Variants in AADAT observed in about 807,000 individuals in gnomAD.
AADAT encodes the protein kynurenine/alpha-aminoadipate aminotransferase, mitochondrial.
In AADAT, 25 loss-of-function variants were observed where a neutral mutation model predicts 56.2. The ratio of observed to expected loss-of-function variants is 0.44; its 90% CI spans 0.32 to 0.62. The LOEUF is 0.62. Among genes scored for constraint, AADAT ranks in the 20% least tolerant of loss-of-function variants. The probability of loss-of-function intolerance (pLI) is 0.04; values close to 1 mark genes in which losing one functional copy is unlikely to be tolerated. For missense variants in AADAT, 387 were observed against 510.5 expected, an observed-to-expected ratio of 0.76 and a Z score of 2.33; for synonymous variants, 173 against 164.7, an observed-to-expected ratio of 1.05 and a Z score of -0.39.
Position 170,061,922 on chromosome 4 carries a change from G to A in AADAT, c.1206C>T (p.Phe402=). Residue 402 remains phenylalanine, a synonymous_variant, in exon 12 of 13, where the codon TTC becomes TTT. Transcript: ENST00000337664. The part of the protein sequence containing the change: ...SAPSPYLRAS[F]SSASPEQMDV... ...CCATCTGTTCTGGAGAAGCTGAAGAGAAGGATGCTCTCAAGTAAGGGCTAG... is the reference window on the plus strand; with the variant it reads ...CCATCTGTTCTGGAGAAGCTGAAGAAAAGGATGCTCTCAAGTAAGGGCTAG... The A allele has an allele frequency of 6.2e-7, 1 of 1,613,254 alleles. No individual in the cohort carries two copies. The highest frequency in any genetic ancestry group is 8.5e-7 in the Non-Finnish European group (1 of 1,179,478).
chr4:170,074,984 A>G (rs1731965182), intron 4 of AADAT, among the ~76,000 whole-genome samples: 1 of 152,258 alleles, frequency 6.6e-6, no homozygotes, highest in Admixed American at 6.5e-5. Context: ...TAAAAAAAGA[A>G]CAATTCAGAT....
At chr4:170,074,898 A>G (rs1036904582) in intron 4 of AADAT, among the ~76,000 whole-genome samples, 1 of 152,234 alleles carries the variant, frequency 6.6e-6, no homozygotes, top group Non-Finnish European at 1.5e-5. Context: ...TTAAGAAATA[A>G]TAATTGAATG....
At chr4:170,087,476 A>G (rs1448687541) in intron 2 of AADAT, among the ~76,000 whole-genome samples, 2 of 152,246 alleles carry the variant, frequency 1.3e-5, no homozygotes, top group Admixed American at 1.3e-4. Context: ...AAAGTCAATT[A>G]CGTAATAAAT....
At chr4:170,061,426 T>C in intron 12 of AADAT, among the ~76,000 whole-genome samples, 1 of 152,230 alleles carries the variant, frequency 6.6e-6, no homozygotes, top group South Asian at 2.1e-4. Context: ...TCAAGGTTAA[T>C]GGCACTGTTC....
chr4:170,088,186 C>A (rs561633409), intron 2 of AADAT, among the ~76,000 whole-genome samples: 1 of 151,884 alleles, frequency 6.6e-6, no homozygotes, highest in East Asian at 2.0e-4. Context: ...CCTTTGAAAA[C>A]CTTTCCCCAG....
chr4:170,070,334 T>G (rs115778415), intron 6 of AADAT: 3,991 of 335,120 alleles, frequency 0.012, 155 homozygotes, highest in African/African-American at 0.081. Context: ...GTGCCTGGTA[T>G]AGAAAGCCAG....
At chr4:170,093,037 C>T (rs764305907), upstream of AADAT, among the ~76,000 whole-genome samples, 1 of 84,124 alleles carries the variant, frequency 1.2e-5, no homozygotes, top group Non-Finnish European at 2.7e-5. Context: ...TAAATTGTAA[C>T]TTGTAACTAG....
intron 11 of AADAT, among the ~76,000 whole-genome samples, chr4:170,064,005 G>GA (rs971035342): frequency 2.2e-4 from 33 of 149,318 alleles, no homozygotes; most frequent in Admixed American, 1.6e-3. Flanking sequence ...AATTTTAAGT[G>GA]AAAAAAAAAT....
upstream of AADAT, among the ~76,000 whole-genome samples, chr4:170,093,688 C>T (rs1158967493): frequency 1.3e-5 from 2 of 152,140 alleles, no homozygotes; most frequent in African/African-American, 4.8e-5. Context: ...CTCGTCTTCC[C>T]GGGCTCAAGC....
rs1321256275 is a variant in AADAT, at chr4:170,073,120, C to T, written c.654+16G>A. 6.2e-7 allele frequency: 1 copy of T among 1,611,718 alleles called. No individual in the cohort carries two copies. The highest frequency in any genetic ancestry group is 8.5e-7 in the Non-Finnish European group (1 of 1,178,524). ...AAACAGGAACACAACTACTTTAACC[C>T]ATTCTTCTACAATACCTCATAGATT... On this transcript the variant is annotated intron_variant, in intron 5 of 12. Coordinates refer to ENST00000337664, the MANE Select transcript of AADAT (RefSeq NM_016228.4).
At chr4:170,086,312 T>C (rs545110380) in intron 3 of AADAT, among the ~76,000 whole-genome samples, 1 of 152,028 alleles carries the variant, frequency 6.6e-6, no homozygotes, top group South Asian at 2.1e-4. Context: ...GGTCTCTTTA[T>C]TGTGGCAACT....
chr4:170,089,415 G>T, intron 1 of AADAT: 1 of 617,248 alleles, frequency 1.6e-6, no homozygotes, highest in South Asian at 1.9e-5. Context: ...CTCTGCTCCA[G>T]CAGAAATACC....
At chr4:170,071,193 G>A (rs1346558733) in intron 5 of AADAT, among the ~76,000 whole-genome samples, 5 of 152,220 alleles carry the variant, frequency 3.3e-5, no homozygotes, top group Admixed American at 6.5e-5. Flanking sequence ...GATTACAGGC[G>A]TGAGCCACTG....
rs557457280 is a variant in AADAT at position 170,070,590 on chromosome 4, G to C, written c.717C>G (p.Asn239Lys). 20 of 1,580,024 alleles carry C rather than the reference G, an allele frequency of 1.3e-5. No homozygotes were observed. The Admixed American group carries it at 3.1e-4, about 25-fold the overall frequency. Residue 239 changes from asparagine to lysine, a missense_variant, in exon 6 of 13, where the codon AAC becomes AAG. Coordinates refer to ENST00000337664, the MANE Select transcript of AADAT (RefSeq NM_016228.4). ...GTAAGTTCACATAATCACTTACCTT[G>C]TTAAACTGGAGAAAATAGTAAGGAT... ...EDDPYYFLQF[N>K]KFRVPTFLSM...
At chr4:170,085,510 G>A (rs1182740872) in intron 3 of AADAT, among the ~76,000 whole-genome samples, 1 of 152,184 alleles carries the variant, frequency 6.6e-6, no homozygotes, top group Non-Finnish European at 1.5e-5. Context: ...AAGCATGTCT[G>A]TAAGTAGTAA....
chr4:170,076,404 C>A (rs1329212142), intron 4 of AADAT, among the ~76,000 whole-genome samples: 1 of 152,114 alleles, frequency 6.6e-6, no homozygotes, highest in Non-Finnish European at 1.5e-5. Flanking sequence ...GAGTACTAAC[C>A]ACTACACGAT....
intron 3 of AADAT, among the ~76,000 whole-genome samples, chr4:170,085,711 A>C (rs1413467159): frequency 6.6e-6 from 1 of 152,190 alleles, no homozygotes; most frequent in Non-Finnish European, 1.5e-5. Flanking sequence ...GTTTCTCTTC[A>C]AGCAAAGACT....
At chr4:170,082,068 C>G (rs937109212) in intron 3 of AADAT, among the ~76,000 whole-genome samples, 3 of 152,068 alleles carry the variant, frequency 2.0e-5, no homozygotes, top group Admixed American at 6.6e-5. Context: ...GAAAACTTTT[C>G]AAGGTAAAAA....
intron 3 of AADAT, among the ~76,000 whole-genome samples, chr4:170,086,512 C>T (rs1262325101): frequency 6.6e-6 from 1 of 152,006 alleles, no homozygotes; most frequent in African/African-American, 2.4e-5. Flanking sequence ...AGAGATTCTA[C>T]AGACAGATAT....
Sources: gnomAD v4.1 joint callset for allele counts (sites outside exome capture counted in the v4.1 genomes callset) on GRCh38, gnomAD v4.1.1 for gene constraint, MANE v1.5 for transcripts, NCBI Gene and HGNC (gene_info 2026-07-23, HGNC 2026-07-21) for gene names.